The following PNPLA7 variants were observed in gnomAD, a reference collection of about 807,000 sequenced individuals.
The protein encoded by PNPLA7 is patatin-like phospholipase domain-containing protein 7.
Under a neutral mutation model 161.7 loss-of-function variants are expected in PNPLA7, and 153 were observed. The ratio of observed to expected loss-of-function variants is 0.95; its 90% confidence interval spans 0.83 to 1.08. The LOEUF is 1.08. Among genes scored for constraint, PNPLA7 ranks in the 50% least tolerant of loss-of-function variants. The pLI is 0.00. For missense variants in PNPLA7, 1,739 were observed against 1,856.6 expected (o/e 0.94, Z 1.16); for synonymous variants, 809 against 782.1 (o/e 1.03, Z -0.57).
intron 16 of PNPLA7, among the ~76,000 whole-genome samples, chr9:137,498,626 C>T (rs1373233244): frequency 3.9e-5 from 6 of 152,246 alleles, no homozygotes; most frequent in Non-Finnish European, 8.8e-5. Flanking sequence ...AGGGCACCAG[C>T]AGGCAAAGGC....
chr9:137,544,234 C>A (rs539531679), intron 4 of PNPLA7, among the ~76,000 whole-genome samples: 1 of 152,378 alleles, frequency 6.6e-6, no homozygotes, highest in Admixed American at 6.5e-5. Flanking sequence ...CACTCTGTCC[C>A]ATATCTGGAA....
Position 137,461,561 on chromosome 9 carries a change from C to T in PNPLA7, c.3816G>A (p.Glu1272=), listed in dbSNP as rs1831197599. ...TDLAEIVSRI[E]PAKPAMVDDE... ...CATCCACCATGGCGGGCTTGGCGGG[C>T]TCAATGCGAGACACAATTTCGGCAA... Residue 1272 remains glutamate, a synonymous_variant, in exon 33 of 35, where the codon GAG becomes GAA. Coordinates refer to ENST00000406427, the MANE Select transcript of PNPLA7 (RefSeq NM_001098537.3). The T allele has an allele frequency of 6.2e-7, 1 of 1,612,238 alleles. No individual in the cohort carries two copies. Among genetic ancestry groups the T allele is most frequent in the South Asian group, 1.1e-5 (1 of 90,986 alleles).
chr9:137,528,283 G>C (rs1170850409), intron 8 of PNPLA7, among the ~76,000 whole-genome samples: 1 of 151,962 alleles, frequency 6.6e-6, no homozygotes, highest in Non-Finnish European at 1.5e-5. Context: ...GCTTGCTTTG[G>C]GTTTCATTTG....
Position 137,521,640 on chromosome 9 carries a change from TTGAAGAGC to T in PNPLA7, c.945_952del (p.Leu316ArgfsTer2). 2 of 1,612,556 alleles carry T rather than the reference TTGAAGAGC, an allele frequency of 1.2e-6. No individual in the cohort carries two copies. The highest frequency in any genetic ancestry group is 1.7e-6 in the Non-Finnish European group (2 of 1,179,732). The stretch of plus-strand genomic sequence containing the variant: ...TGTGAGGTGGTTTTCACTTACAGCG[TTGAAGAGC>T]TCTGTGGTCAGGCCGAGGTAGTTGT... On this transcript the variant is annotated frameshift_variant, in exon 10 of 35. Coordinates refer to ENST00000406427, the MANE Select transcript of PNPLA7 (RefSeq NM_001098537.3). LOFTEE classifies it high-confidence loss of function.
rs1292372440 is a variant in PNPLA7, at chr9:137,481,016, G to T, written c.2355C>A (p.Thr785=). Residue 785 remains threonine (T), a synonymous_variant, in exon 22 of 35, where the codon ACC becomes ACA. Coordinates refer to ENST00000406427, the MANE Select transcript of PNPLA7 (RefSeq NM_001098537.3). ...LEHALSAIGP[T]LLLTSDNIKR... is the part of the protein sequence containing the mutation. Reference sequence around the variant, plus strand: ...TTATGTTGTCACTAGTCAGCAGCAGGGTCGGGCCTGAAAACACCACCACCA... The same window carrying T: ...TTATGTTGTCACTAGTCAGCAGCAGTGTCGGGCCTGAAAACACCACCACCA... The T allele has an allele frequency of 7.7e-6, 12 of 1,551,666 alleles. No individual in the cohort carries two copies. The South Asian group carries it at 8.3e-5, about 11-fold the overall frequency.
Position 137,541,914 on chromosome 9 carries a change from G to A in PNPLA7, c.666+728C>T, listed in dbSNP as rs1836227961. Among the ~76,000 whole-genome samples, 1 of 152,080 alleles carries A rather than the reference G, an allele frequency of 6.6e-6. No homozygotes were observed. The highest frequency in any genetic ancestry group is 1.5e-5 in the Non-Finnish European group (1 of 68,028). On this transcript the variant is annotated intron_variant, in intron 7 of 34. Coordinates refer to ENST00000406427, the MANE Select transcript of PNPLA7 (RefSeq NM_001098537.3). The surrounding 1 kb of genome is among the most constrained non-coding windows in gnomAD (Gnocchi z 4.4). Reference sequence around the variant, plus strand: ...CTCCCACCTCAGCCCCCAAGTGGCTGGGACCACAGGTGCTACCACCATGCC... The same window carrying A: ...CTCCCACCTCAGCCCCCAAGTGGCTAGGACCACAGGTGCTACCACCATGCC...
Position 137,514,937 on chromosome 9 carries a change from C to T in PNPLA7, c.1225+442G>A, listed in dbSNP as rs554464612. ...CTGTGGCTGGGCTGTGGGCGGGTCACCCGGCTGTTGAGGTTTTGCTACACA... is the reference window on the plus strand; with the variant it reads ...CTGTGGCTGGGCTGTGGGCGGGTCATCCGGCTGTTGAGGTTTTGCTACACA... On this transcript the variant is annotated intron_variant, in intron 12 of 34. Transcript: ENST00000406427. Among the ~76,000 whole-genome samples the T allele has an allele frequency of 9.3e-4, 141 of 152,228 alleles. 1 individual carries two copies. The highest frequency in any genetic ancestry group is 3.3e-3 in the African/African-American group (136 of 41,532).
intron 20 of PNPLA7, 114 bp from the exon 21 acceptor site, chr9:137,484,850 G>T: frequency 7.8e-7 from 1 of 1,285,192 alleles, no homozygotes; most frequent in Non-Finnish European, 1.0e-6. Context: ...ACCAGAGGCC[G>T]CCTGGCCCTC....
rs769933569 is a variant in PNPLA7 at position 137,501,650 on chromosome 9, C to A, written c.1551G>T (p.Gln517His). 2 of 1,612,142 alleles carry A rather than the reference C, an allele frequency of 1.2e-6. No individual in the cohort carries two copies. The highest frequency in any genetic ancestry group is 2.7e-5 in the African/African-American group (2 of 75,030). The change falls in exon 15 of 35, where the codon CAG becomes CAT. Residue 517 changes from glutamine (Q) to histidine (H), a missense_variant and splice_region_variant. Physicochemically the swap from Gln to His is conservative, Grantham distance 24. Coordinates refer to ENST00000406427, the MANE Select transcript of PNPLA7 (RefSeq NM_001098537.3). Reference protein sequence around the residue: ...AGTVVSRQGDQDASILFVVSG... With the variant: ...AGTVVSRQGDHDASILFVVSG... ...TGCCCCCCCCCAGACCCCCGCTCAC[C>A]TGGTCTCCCTGCCTTGACACCACCG...
At chr9:137,549,207 G>T (rs1331180283) in intron 1 of PNPLA7, among the ~76,000 whole-genome samples, 1 of 152,224 alleles carries the variant, frequency 6.6e-6, no homozygotes, top group Non-Finnish European at 1.5e-5. Flanking sequence ...CTAGGGCTGG[G>T]CACAGTGTCT....
rs908069327 is a variant in PNPLA7 at position 137,486,601 on chromosome 9, G to A, written c.2198-1865C>T. 1.3e-5 allele frequency among the ~76,000 whole-genome samples: 2 copies of A among 152,040 alleles called. No homozygotes were observed. Among genetic ancestry groups the A allele is most frequent in the Admixed American group, 6.5e-5 (1 of 15,270 alleles). On this transcript the variant is annotated intron_variant, in intron 20 of 34. Transcript: ENST00000406427. This position sits in a 1 kb window ranked among gnomAD's most constrained non-coding sequence, Gnocchi z 6.0. Reference sequence around the variant, plus strand: ...CTCACACAGCCCCAGATCCTCCCTCGGACTCGGCCCCCACCTCCGGCCCCA... The same window carrying A: ...CTCACACAGCCCCAGATCCTCCCTCAGACTCGGCCCCCACCTCCGGCCCCA...
chr9:137,464,425 T>A lies in PNPLA7; in HGVS notation c.3071A>T (p.Asp1024Val). Residue 1024 changes from aspartate to valine, a missense_variant, in exon 27 of 35, where the codon GAC becomes GTC. This residue lies in a region of PNPLA7 where 703 missense variants were observed against 694.6 expected (regional missense o/e 1.01). Transcript: ENST00000406427. ...GMTSLMKAAL[D>V]LTYPITSMFS... ...CATGGACGTGATGGGGTAGGTGAGG[T>A]CCAGCGCGGCCTTCATCAAGGACGT... The A allele has an allele frequency of 6.2e-7, 1 of 1,613,720 alleles. No individual in the cohort carries two copies. Among genetic ancestry groups the A allele is most frequent in the Non-Finnish European group, 8.5e-7 (1 of 1,179,940 alleles).
At chr9:137,480,785 G>T in intron 22 of PNPLA7, 175 bp downstream of exon 22, 1 of 832,150 alleles carries the variant, frequency 1.2e-6, no homozygotes, top group Non-Finnish European at 1.9e-6. Context: ...TGCCCAGCAG[G>T]TCAGCGCTGC....
chr9:137,502,160 C>G (rs534990112), intron 14 of PNPLA7, among the ~76,000 whole-genome samples: 1 of 152,200 alleles, frequency 6.6e-6, no homozygotes, highest in East Asian at 1.9e-4. Flanking sequence ...CAGAGGTGAC[C>G]CGGGAGTGCC....
chr9:137,533,559 A>G (rs1350765837), intron 8 of PNPLA7, among the ~76,000 whole-genome samples: 873 of 82,738 alleles, frequency 0.011, no homozygotes, highest in Middle Eastern at 0.05. Context: ...CTCCCCAACA[A>G]TGTCCACTCC....
At chr9:137,475,010 C>CAAAAAAAAAAAA (rs58417100) in intron 25 of PNPLA7, among the ~76,000 whole-genome samples, 16 of 63,612 alleles carry the variant, frequency 2.5e-4, no homozygotes, top group African/African-American at 1.1e-3. Context: ...GACTCTGCCT[C>CAAAAAAAAAAAA]AAAAAAAAAA....
rs999664443 is a variant in PNPLA7, at chr9:137,537,698, G to A, written c.747+2944C>T. On this transcript the variant is annotated intron_variant, in intron 8 of 34. Coordinates refer to ENST00000406427, the MANE Select transcript of PNPLA7 (RefSeq NM_001098537.3). The surrounding 1 kb of genome is among the most constrained non-coding windows in gnomAD (Gnocchi z 4.5). Reference sequence around the variant, plus strand: ...GGGAGAGGGGCTGTGACACCAACGCGGATGAGACGGATCGCAGCAGCTGAG... The same window carrying A: ...GGGAGAGGGGCTGTGACACCAACGCAGATGAGACGGATCGCAGCAGCTGAG... Among the ~76,000 whole-genome samples the A allele has an allele frequency of 3.3e-5, 5 of 152,128 alleles. No homozygotes were observed. The highest frequency in any genetic ancestry group is 1.9e-4 in the East Asian group (1 of 5,196).
chr9:137,496,131 G>GT (rs1184361437), intron 18 of PNPLA7, among the ~76,000 whole-genome samples: 20 of 118,204 alleles, frequency 1.7e-4, no homozygotes, highest in African/African-American at 5.9e-4. Context: ...ACGGAGTTTA[G>GT]TTTTTTTTTG....
At chr9:137,549,862 G>A (rs920921714) in intron 1 of PNPLA7, among the ~76,000 whole-genome samples, 1 of 152,230 alleles carries the variant, frequency 6.6e-6, no homozygotes, top group Non-Finnish European at 1.5e-5. Flanking sequence ...AGTAGCAACT[G>A]TGACCTTAGG....
Sources: allele counts gnomAD v4.1 joint callset (sites outside exome capture counted in the v4.1 genomes callset), GRCh38; gene constraint gnomAD v4.1.1; regional missense constraint gnomAD v4.1.1; non-coding constraint Gnocchi (gnomAD v3.1); transcripts MANE v1.5; gene names NCBI Gene and HGNC (gene_info 2026-07-23, HGNC 2026-07-21).